The following ARID3A variants were observed in gnomAD, a reference collection of about 807,000 sequenced individuals.
ARID3A encodes AT-rich interaction domain 3A, also known as AT-rich interactive domain-containing protein 3A.
Under a neutral mutation model 52.7 loss-of-function variants are expected in ARID3A, and 11 were observed. The observed-to-expected ratio is 0.21, with a 90% CI of 0.13 to 0.35. The LOEUF is 0.35. Among genes scored for constraint, ARID3A ranks in the 10% least tolerant of loss-of-function variants. The probability of loss-of-function intolerance (pLI) is 1.00; values close to 1 mark genes in which losing one functional copy is unlikely to be tolerated. For synonymous variants in ARID3A, 404 were observed against 359.4 expected, an observed-to-expected ratio of 1.12 and a Z score of -1.40; for missense variants, 721 against 838.5, an observed-to-expected ratio of 0.86 and a Z score of 1.73.
chr19:941,176 G>A lies in ARID3A; in HGVS notation c.693+8434G>A, dbSNP rs917412534. Among the ~76,000 whole-genome samples, 11 of 152,346 alleles carry A rather than the reference G, an allele frequency of 7.2e-5. No individual in the cohort carries two copies. Among genetic ancestry groups the A allele is most frequent in the Middle Eastern group, 3.4e-3 (1 of 294 alleles). ...GCGGCAGCCCGAGGGAGCGGTGCCC[G>A]CAGGCAGAGAGTGTCCCCGCGTGGT... On this transcript the variant is annotated intron_variant, in intron 3 of 8. Coordinates refer to ENST00000263620, the MANE Select transcript of ARID3A (RefSeq NM_005224.3). The surrounding 1 kb of genome is among the most constrained non-coding windows in gnomAD (Gnocchi z 6.9).
intron 3 of ARID3A, among the ~76,000 whole-genome samples, chr19:940,167 C>T (rs1173273710): frequency 1.3e-5 from 2 of 152,116 alleles, no homozygotes; most frequent in East Asian, 3.9e-4. Context: ...CCTCTGGGAT[C>T]ACTGTGACTG....
chr19:966,234 C>A (rs373312772), intron 6 of ARID3A, among the ~76,000 whole-genome samples: 1 of 150,678 alleles, frequency 6.6e-6, no homozygotes, highest in African/African-American at 2.4e-5. Flanking sequence ...CCGAGGCGGG[C>A]GGATCACCTG....
chr19:930,702 G>A (rs2037305452), intron 2 of ARID3A, among the ~76,000 whole-genome samples: 2 of 150,680 alleles, frequency 1.3e-5, no homozygotes, highest in South Asian at 2.1e-4. Context: ...GTAGAGACGG[G>A]GTTTCACCAT....
chr19:936,020 G>T (rs1437850163), intron 3 of ARID3A, among the ~76,000 whole-genome samples: 1 of 151,994 alleles, frequency 6.6e-6, no homozygotes, highest in Non-Finnish European at 1.5e-5. Flanking sequence ...TCGATCTCCT[G>T]ACCTTGTGAT....
chr19:935,160 A>G (rs1430833712), intron 3 of ARID3A, among the ~76,000 whole-genome samples: 1 of 152,080 alleles, frequency 6.6e-6, no homozygotes, highest in African/African-American at 2.4e-5. Context: ...TCTTCCTCCC[A>G]GGTCCTGGCA....
intron 1 of ARID3A, among the ~76,000 whole-genome samples, chr19:927,261 C>T (rs1189042352): frequency 1.3e-5 from 2 of 152,100 alleles, no homozygotes; most frequent in Non-Finnish European, 2.9e-5. Flanking sequence ...GTCCCAGCCT[C>T]TCCCTTGGGG....
chr19:927,383 C>G (rs80147402), intron 1 of ARID3A, among the ~76,000 whole-genome samples: 91 of 151,824 alleles, frequency 6.0e-4, no homozygotes, highest in Non-Finnish European at 1.0e-3. Context: ...GGGCACCCAG[C>G]CCTGACCTAG....
chr19:930,638 T>C (rs1377639642), intron 2 of ARID3A, among the ~76,000 whole-genome samples: 1 of 149,474 alleles, frequency 6.7e-6, no homozygotes, highest in Admixed American at 6.7e-5. Flanking sequence ...GCCTCCCGAG[T>C]AGTTGGGACT....
rs183621037 is a variant in ARID3A at position 959,225 on chromosome 19, G to C, written c.694-867G>C. Among the ~76,000 whole-genome samples, 11 of 152,334 alleles carry C rather than the reference G, an allele frequency of 7.2e-5. No homozygotes were observed. Among genetic ancestry groups the C allele is most frequent in the South Asian group, 2.1e-4 (1 of 4,832 alleles). ...CCCAGAAGCCGTGAGAGGCAGGAAG[G>C]TTCCTCCCTTGGAGACTTCGGAGGG... On this transcript the variant is annotated intron_variant, in intron 3 of 8. Transcript: ENST00000263620. This position sits in a 1 kb window ranked among gnomAD's most constrained non-coding sequence, Gnocchi z 5.0.
intron 3 of ARID3A, among the ~76,000 whole-genome samples, chr19:936,712 C>T (rs1180033207): frequency 1.3e-5 from 2 of 152,038 alleles, no homozygotes; most frequent in East Asian, 1.9e-4. Context: ...CGTGGCAGCA[C>T]GCGCCTGTAG....
chr19:972,222 G>GATAT lies in ARID3A; in HGVS notation c.*179_*182dup, dbSNP rs10637085. On this transcript the variant is annotated 3_prime_UTR_variant, in exon 9 of 9. Transcript: ENST00000263620. ...CTGACGCCAAAAAGAAAAGAAAAAA[G>GATAT]ATATATATATATATATATATATATA... 0.052 allele frequency: 11,476 copies of GATAT among 221,656 alleles called. 341 individuals carry two copies. Among genetic ancestry groups the GATAT allele is most frequent in the Admixed American group, 0.058 (914 of 15,634 alleles). 13.7% of individuals were successfully genotyped at this position (221,656 alleles called of 1,614,324 possible).
In ARID3A at chr19:941,887, C is replaced by T. The variant is rs73507580; in HGVS notation, c.693+9145C>T. Among the ~76,000 whole-genome samples the T allele has an allele frequency of 0.036, 5,448 of 151,994 alleles. 185 individuals are homozygous for T. The highest frequency in any genetic ancestry group is 0.091 in the African/African-American group (3,781 of 41,406). ...GTCCAAAAGCGTGCCTGCTTGGGCT[C>T]GCCACGTGTGCGCACGTGTGCCCGT... On this transcript the variant is annotated intron_variant, in intron 3 of 8. Transcript: ENST00000263620. This position sits in a 1 kb window ranked among gnomAD's most constrained non-coding sequence, Gnocchi z 6.9.
intron 8 of ARID3A, among the ~76,000 whole-genome samples, chr19:969,689 G>A (rs1385656026): frequency 7.0e-6 from 1 of 143,360 alleles, no homozygotes; most frequent in African/African-American, 2.6e-5. Context: ...ATATATAGTT[G>A]TTTTTTTTTT....
intron 2 of ARID3A, among the ~76,000 whole-genome samples, chr19:930,801 A>G (rs145150856): frequency 0.011 from 1,705 of 150,272 alleles, 14 homozygotes; most frequent in South Asian, 0.02. Flanking sequence ...GAGCCACCAC[A>G]CCCGGCCAAC....
intron 6 of ARID3A, among the ~76,000 whole-genome samples, chr19:965,949 G>A (rs1247390545): frequency 2.1e-5 from 3 of 146,266 alleles, no homozygotes; most frequent in Non-Finnish European, 4.5e-5. Context: ...CCAAGATCAC[G>A]TCACTGCATT....
rs1354737290 is a variant in ARID3A at position 960,991 on chromosome 19, G to C, written c.766+827G>C. Among the ~76,000 whole-genome samples the C allele has an allele frequency of 6.6e-6, 1 of 152,100 alleles. No homozygotes were observed. The highest frequency in any genetic ancestry group is 1.9e-4 in the East Asian group (1 of 5,182). ...AGTGACCACGGGGCAGAGAGAGTGC[G>C]GCAAGGGCTTCCGTCTCGCCTCCAA... On this transcript the variant is annotated intron_variant, in intron 4 of 8. Transcript: ENST00000263620. The surrounding 1 kb of genome is among the most constrained non-coding windows in gnomAD (Gnocchi z 4.3).
At chr19:952,712 G>A (rs2037827533) in intron 3 of ARID3A, among the ~76,000 whole-genome samples, 1 of 152,206 alleles carries the variant, frequency 6.6e-6, no homozygotes, top group African/African-American at 2.4e-5. Flanking sequence ...TCATCCCCAG[G>A]TGGGGCCTCA....
In ARID3A at chr19:972,734, ATATC is replaced by A. The variant is rs2038304893; in HGVS notation, c.*673_*676del. ...CAAACCTTAGGAAAAGGATATCTATATATCTATATAGCTATATATTTGTGTTCCT... is the reference window on the plus strand; with the variant it reads ...CAAACCTTAGGAAAAGGATATCTATATATATAGCTATATATTTGTGTTCCT... On this transcript the variant is annotated 3_prime_UTR_variant, in exon 9 of 9. Coordinates refer to ENST00000263620, the MANE Select transcript of ARID3A (RefSeq NM_005224.3). 1 of 195,976 alleles carries A rather than the reference ATATC, an allele frequency of 5.1e-6. No homozygotes were observed. Among genetic ancestry groups the A allele is most frequent in the Non-Finnish European group, 1.0e-5 (1 of 98,590 alleles). The allele number at this position is 195,976 out of a possible 1,614,324, so 12.1% of individuals were successfully genotyped here.
chr19:935,237 C>A (rs550166630), intron 3 of ARID3A, among the ~76,000 whole-genome samples: 19 of 151,452 alleles, frequency 1.3e-4, no homozygotes, highest in Non-Finnish European at 2.6e-4. Context: ...GGCTGCAGGT[C>A]TGGTGGGTGG....
Sources: allele counts gnomAD v4.1 joint callset (sites outside exome capture counted in the v4.1 genomes callset), GRCh38; gene constraint gnomAD v4.1.1; non-coding constraint Gnocchi (gnomAD v3.1); transcripts MANE v1.5; gene names NCBI Gene and HGNC (gene_info 2026-07-23, HGNC 2026-07-21).